SYCP1: variants seen among roughly 807,000 people sequenced by gnomAD.
The protein encoded by SYCP1 is synaptonemal complex protein 1, also known as cancer/testis antigen 8.
Under a neutral mutation model 153.1 loss-of-function variants are expected in SYCP1, and 64 were observed. The ratio of observed to expected loss-of-function variants is 0.42; its 90% confidence interval spans 0.34 to 0.51. The LOEUF is 0.51. SYCP1 is among the 20% of genes least tolerant of loss of function. The pLI is 0.06. For synonymous variants in SYCP1, 384 were observed against 341.8 expected (o/e 1.12, Z -1.36); for missense variants, 997 against 1,049.0 (o/e 0.95, Z 0.68).
At chr1:114,955,631 AAAC>A (rs1218239318) in intron 27 of SYCP1, among the ~76,000 whole-genome samples, 1 of 152,306 alleles carries the variant, frequency 6.6e-6, no homozygotes, top group South Asian at 2.1e-4. Context: ...TATCTCCTCA[AAAC>A]AACAAGAATT....
At chr1:114,957,306 A>G (rs1382163903) in intron 27 of SYCP1, among the ~76,000 whole-genome samples, 1 of 152,192 alleles carries the variant, frequency 6.6e-6, no homozygotes, top group Admixed American at 6.5e-5. Flanking sequence ...CATTAAGTTT[A>G]CTTAGATGTA....
chr1:114,876,834 G>T, intron 11 of SYCP1, 24 bp downstream of exon 11: 1 of 1,288,134 alleles, frequency 7.8e-7, no homozygotes, highest in Non-Finnish European at 1.0e-6. Context: ...CCAACTCTTT[G>T]TATTCTTTAT....
chr1:114,945,100 G>A, intron 25 of SYCP1, 118 bp downstream of exon 25: 1 of 729,578 alleles, frequency 1.4e-6, no homozygotes, highest in Non-Finnish European at 2.2e-6. Context: ...CTATGCAACA[G>A]TGACTGTCTA....
rs79379638 is a variant in SYCP1, at chr1:114,972,392, A to G, written c.2323-5165A>G. ...ACTTTTTGTTTCGTTGATCTTTTGT[A>G]TCATTTTCTTCAATTTCATTTATTT... is the stretch of plus-strand genomic sequence containing the variant. On this transcript the variant is annotated intron_variant, in intron 27 of 31. Transcript: ENST00000369522. Among the ~76,000 whole-genome samples, 290 of 151,420 alleles carry G rather than the reference A, an allele frequency of 1.9e-3. 1 individual carries two copies. Among genetic ancestry groups the G allele is most frequent in the Non-Finnish European group, 3.7e-3 (252 of 67,802 alleles).
Position 114,994,701 on chromosome 1 carries a change from A to G in SYCP1, c.2707A>G (p.Met903Val). ...TATTTTTTTATTTTTCTTCAAGAGC[A>G]TGGTTTCAGAAGAAGAGACATTGAA... ...DSSETTDLLS[M>V]VSEEETLKTL... The change falls in exon 31 of 32, where the codon ATG becomes GTG. Residue 903 changes from methionine (M) to valine (V), a missense_variant. Coordinates refer to ENST00000369522, the MANE Select transcript of SYCP1 (RefSeq NM_003176.4). The G allele has an allele frequency of 1.3e-6, 2 of 1,553,384 alleles. No homozygotes were observed. The highest frequency in any genetic ancestry group is 1.7e-6 in the Non-Finnish European group (2 of 1,158,930).
rs1389642031 is a variant in SYCP1, at chr1:114,913,891, TGATA to T, written c.1648-79_1648-76del. On this transcript the variant is annotated intron_variant, in intron 19 of 31. Coordinates refer to ENST00000369522, the MANE Select transcript of SYCP1 (RefSeq NM_003176.4). ...ATATATAACTAAATAAATTTTATGC[TGATA>T]GATAAAGGTCTTAAATAGTAGTTTA... The T allele has an allele frequency of 1.9e-5, 19 of 1,000,844 alleles. No homozygotes were observed. The East Asian group carries it at 2.4e-4, about 13-fold the overall frequency. 62.0% of individuals were successfully genotyped at this position (1,000,844 alleles called of 1,614,324 possible).
Position 114,966,965 on chromosome 1 carries a change from G to A in SYCP1, c.2323-10592G>A, listed in dbSNP as rs145759050. On this transcript the variant is annotated intron_variant, in intron 27 of 31. Coordinates refer to ENST00000369522, the MANE Select transcript of SYCP1 (RefSeq NM_003176.4). Reference sequence around the variant, plus strand: ...CTCCCAAAGTGCTGGGATTACAGGCGTGAGCCACTGCACTCGGCCTTGAGT... The same window carrying A: ...CTCCCAAAGTGCTGGGATTACAGGCATGAGCCACTGCACTCGGCCTTGAGT... 1.8e-3 allele frequency among the ~76,000 whole-genome samples: 277 copies of A among 152,180 alleles called. 1 individual carries two copies. The highest frequency in any genetic ancestry group is 6.3e-3 in the African/African-American group (263 of 41,536).
Position 114,874,542 on chromosome 1 carries a change from T to C in SYCP1, c.635T>C (p.Met212Thr). ...YEREETRQVY[M>T]DLNNNIEKMI... ...CGGGAAGAAACCAGGCAAGTTTATA[T>C]GGATCTAAATAATAACATTGAGGTG... Residue 212 changes from methionine (M) to threonine (T), a missense_variant, in exon 9 of 32, where the codon ATG becomes ACG. Met to Thr is a moderately conservative substitution (Grantham distance 81). Coordinates refer to ENST00000369522, the MANE Select transcript of SYCP1 (RefSeq NM_003176.4). 1.9e-6 allele frequency: 3 copies of C among 1,577,388 alleles called. No individual in the cohort carries two copies. Among genetic ancestry groups the C allele is most frequent in the South Asian group, 1.2e-5 (1 of 84,364 alleles).
In SYCP1 at chr1:114,874,544, G is replaced by A. The variant is rs757308615; in HGVS notation, c.637G>A (p.Asp213Asn). 6.3e-7 allele frequency: 1 copy of A among 1,576,764 alleles called. No homozygotes were observed. The highest frequency in any genetic ancestry group is 8.6e-7 in the Non-Finnish European group (1 of 1,159,640). The change falls in exon 9 of 32, where the codon GAT becomes AAT. Residue 213 changes from aspartate (D) to asparagine (N), a missense_variant. Asp to Asn is a conservative substitution (Grantham distance 23). Transcript: ENST00000369522. ...EREETRQVYM[D>N]LNNNIEKMIT... is the part of the protein sequence containing the mutation. ...GGAAGAAACCAGGCAAGTTTATATGGATCTAAATAATAACATTGAGGTGAG... is the reference window on the plus strand; with the variant it reads ...GGAAGAAACCAGGCAAGTTTATATGAATCTAAATAATAACATTGAGGTGAG...
intron 23 of SYCP1, among the ~76,000 whole-genome samples, 173 bp from the exon 24 acceptor site, chr1:114,944,166 T>G (rs1350715311): frequency 6.6e-6 from 1 of 151,824 alleles, no homozygotes; most frequent in African/African-American, 2.4e-5. Context: ...AGAAGATAGA[T>G]TTTTTGAAAA....
At position 114,910,464 on chromosome 1, in the gene SYCP1, C is replaced by A; in HGVS notation, c.1388C>A (p.Thr463Lys). Reference protein sequence around the residue: ...FEKIAEELKGTEQELIGLLQA... With the variant: ...FEKIAEELKGKEQELIGLLQA... The stretch of plus-strand genomic sequence containing the variant: ...AAGATTGCTGAAGAATTAAAAGGAA[C>A]AGAACAAGAACTAATTGGTCTTCTC... Residue 463 changes from threonine to lysine, a missense_variant, in exon 17 of 32, where the codon ACA becomes AAA. By Grantham distance (78) the Thr-to-Lys change is moderately conservative. Transcript: ENST00000369522. 2 of 1,600,818 alleles carry A rather than the reference C, an allele frequency of 1.2e-6. No individual in the cohort carries two copies. The highest frequency in any genetic ancestry group is 1.7e-6 in the Non-Finnish European group (2 of 1,174,754).
intron 23 of SYCP1, among the ~76,000 whole-genome samples, chr1:114,934,898 T>A (rs1416063786): frequency 1.3e-5 from 2 of 152,118 alleles, no homozygotes; most frequent in African/African-American, 4.8e-5. Flanking sequence ...AGCACCCAGA[T>A]TCATAAAGCA....
In SYCP1 at chr1:114,892,514, C is replaced by T. The variant is rs1570713969; in HGVS notation, c.1259-2934C>T. On this transcript the variant is annotated intron_variant, in intron 15 of 31. Transcript: ENST00000369522. ...TTGCTGCTAGTGGTTCTGGCTTCAC[C>T]TGGTAGCTGGCAGTGGCAGAGGTTG... Among the ~76,000 whole-genome samples the T allele has an allele frequency of 2.0e-5, 3 of 152,080 alleles. No homozygotes were observed. In the East Asian group the frequency reaches 5.8e-4, roughly 29 times the overall value.
At chr1:114,984,507 G>A (rs1299162767) in intron 29 of SYCP1, among the ~76,000 whole-genome samples, 2 of 151,946 alleles carry the variant, frequency 1.3e-5, no homozygotes, top group Admixed American at 6.6e-5. Flanking sequence ...GGCAGAGAAA[G>A]TCTACCATTG....
chr1:114,907,794 G>T (rs1408112666), intron 16 of SYCP1, among the ~76,000 whole-genome samples: 1 of 151,942 alleles, frequency 6.6e-6, no homozygotes, highest in Non-Finnish European at 1.5e-5. Context: ...TGTTAGCCAG[G>T]ATGGTCTCGA....
chr1:114,994,591 C>T, intron 30 of SYCP1, 107 bp from the exon 31 acceptor site: 1 of 759,610 alleles, frequency 1.3e-6, no homozygotes, highest in South Asian at 4.1e-5. Context: ...TACATCCTTC[C>T]TCTTTCTACT....
intron 30 of SYCP1, among the ~76,000 whole-genome samples, chr1:114,993,404 T>C (rs1253794502): frequency 6.6e-6 from 1 of 151,550 alleles, no homozygotes; most frequent in African/African-American, 2.4e-5. Context: ...CATGACTAAA[T>C]TGTGTTTCAT....
intron 30 of SYCP1, among the ~76,000 whole-genome samples, chr1:114,989,840 C>A (rs1673798283): frequency 6.6e-6 from 1 of 151,826 alleles, no homozygotes. Flanking sequence ...AATAACAGAC[C>A]TTCTAAATAT....
intron 19 of SYCP1, 126 bp from the exon 20 acceptor site, chr1:114,913,849 G>T (rs2878582): frequency 1.7e-6 from 1 of 599,860 alleles, no homozygotes; most frequent in South Asian, 3.0e-5. Context: ...AAGTTGAAAA[G>T]CCCATTTTTT....
Sources: allele counts gnomAD v4.1 joint callset (sites outside exome capture counted in the v4.1 genomes callset), GRCh38; gene constraint gnomAD v4.1.1; transcripts MANE v1.5; gene names NCBI Gene and HGNC (gene_info 2026-07-23, HGNC 2026-07-21).